The following ANKRD30B variants were observed in gnomAD, a reference collection of about 807,000 sequenced individuals.
ANKRD30B encodes the protein ankyrin repeat domain 30B, also known as ankyrin repeat domain-containing protein 30B.
In ANKRD30B, 144 loss-of-function variants were observed where a neutral mutation model predicts 202.2. The observed-to-expected ratio is 0.71, with a 90% CI of 0.62 to 0.82. The LOEUF (loss-of-function observed/expected upper bound fraction) is 0.82. Among genes scored for constraint, ANKRD30B ranks in the 40% least tolerant of loss-of-function variants. ANKRD30B has a pLI of 0.00. For synonymous variants in ANKRD30B, 508 were observed against 561.3 expected (o/e 0.91, Z 1.34); for missense variants, 1,487 against 1,669.1 (o/e 0.89, Z 1.90).
intron 7 of ANKRD30B, among the ~76,000 whole-genome samples, chr18:14,767,777 A>G (rs1469563723): frequency 6.6e-6 from 1 of 152,178 alleles, no homozygotes; most frequent in African/African-American, 2.4e-5. Context: ...ATGTCTTTAT[A>G]TTTCATCATA....
At chr18:14,894,704 C>T in the ANKRD30B span, among the ~76,000 whole-genome samples, 1 of 151,224 alleles carries the variant, frequency 6.6e-6, no homozygotes, top group Non-Finnish European at 1.5e-5. Context: ...TTATGATTTT[C>T]TGTCAAGCCT....
the ANKRD30B span, among the ~76,000 whole-genome samples, chr18:14,891,085 A>T: frequency 6.6e-6 from 1 of 152,116 alleles, no homozygotes; most frequent in Admixed American, 6.5e-5. Flanking sequence ...CATTTTCTAC[A>T]TGAAGGTATA....
At chr18:14,874,712 C>G in the ANKRD30B span, among the ~76,000 whole-genome samples, 1 of 152,178 alleles carries the variant, frequency 6.6e-6, no homozygotes, top group African/African-American at 2.4e-5. Context: ...TCAGGCAGAG[C>G]CTGGGTGTAG....
intron 8 of ANKRD30B, among the ~76,000 whole-genome samples, chr18:14,771,750 T>C (rs1055643596): frequency 6.6e-6 from 1 of 152,176 alleles, no homozygotes; most frequent in African/African-American, 2.4e-5. Flanking sequence ...CTTTCTTCCT[T>C]ATTTTAGGTT....
At chr18:14,798,520 G>A (rs1969079657) in intron 20 of ANKRD30B, among the ~76,000 whole-genome samples, 1 of 152,144 alleles carries the variant, frequency 6.6e-6, no homozygotes, top group Admixed American at 6.5e-5. Flanking sequence ...AACAGGATGT[G>A]AAGCTACACA....
At position 14,749,670 on chromosome 18, in the gene ANKRD30B, C is replaced by CAA. The variant is rs55960708; in HGVS notation, c.221+1061_221+1062dup. Among the ~76,000 whole-genome samples the CAA allele has an allele frequency of 6.5e-3, 398 of 61,174 alleles. 27 individuals carry two copies. The highest frequency in any genetic ancestry group is 0.025 in the East Asian group (37 of 1,500). The allele number at this position is 61,174 out of a possible 152,430, so 40.1% of individuals were successfully genotyped here. A position where few individuals can be genotyped will look rare whatever the true frequency, so the allele number is the denominator to read the frequency against. ...TAGGTGACAGAGTGAGACTCTGTCT[C>CAA]AAAAAAAAAAAAAAAAAAAAAAAAA... On this transcript the variant is annotated intron_variant, in intron 1 of 43. Transcript: ENST00000690538.
At chr18:14,855,967 ATG>A (rs1972096417), downstream of ANKRD30B, among the ~76,000 whole-genome samples, 1 of 91,436 alleles carries the variant, frequency 1.1e-5, no homozygotes, top group Non-Finnish European at 2.3e-5. Flanking sequence ...CTCCCAGATG[ATG>A]GGCAGCTGGG....
chr18:14,825,816 A>G (rs1021555251), intron 32 of ANKRD30B, among the ~76,000 whole-genome samples: 3 of 152,230 alleles, frequency 2.0e-5, no homozygotes, highest in Admixed American at 6.5e-5. Context: ...GGAAAGATAA[A>G]GCAAATGCAG....
At chr18:14,934,299 C>T in the ANKRD30B span, among the ~76,000 whole-genome samples, 18 of 152,354 alleles carry the variant, frequency 1.2e-4, no homozygotes, top group African/African-American at 4.3e-4. Context: ...CAGGTGCTGG[C>T]CAGCGAGAGG....
the ANKRD30B span, among the ~76,000 whole-genome samples, chr18:14,872,311 G>A: frequency 6.6e-6 from 1 of 152,180 alleles, no homozygotes; most frequent in Non-Finnish European, 1.5e-5. Flanking sequence ...TCTAAGAGAT[G>A]GAAACTTTTC....
rs1312074003 is a variant in ANKRD30B at position 14,791,567 on chromosome 18, T to C, written c.1825+76T>C. The C allele has an allele frequency of 1.7e-5, 20 of 1,184,344 alleles. No individual in the cohort carries two copies. The East Asian group carries it at 2.7e-4, about 16-fold the overall frequency. The allele number at this position is 1,184,344 out of a possible 1,614,324, so 73.4% of individuals were successfully genotyped here. A position where few individuals can be genotyped will look rare whatever the true frequency, so the allele number is the denominator to read the frequency against. ...ACTGATGAGGAAGGATATCCTCTAA[T>C]AGATGAAGAAAATTACCTCCTTAAT... is the stretch of plus-strand genomic sequence containing the variant. On this transcript the variant is annotated intron_variant, in intron 16 of 43. Coordinates refer to ENST00000690538, the MANE Select transcript of ANKRD30B (RefSeq NM_001367607.2).
the ANKRD30B span, among the ~76,000 whole-genome samples, chr18:14,860,940 A>T: frequency 1.3e-5 from 2 of 151,688 alleles, no homozygotes; most frequent in Admixed American, 6.6e-5. Context: ...ACCTCAGGTG[A>T]TCTGCCTGCC....
intron 20 of ANKRD30B, among the ~76,000 whole-genome samples, chr18:14,798,726 T>C (rs549529983): frequency 6.6e-6 from 1 of 152,104 alleles, no homozygotes; most frequent in Admixed American, 6.5e-5. Flanking sequence ...CTTTCTGGGA[T>C]AGGAACCTTG....
At chr18:14,840,323 A>AAGTC (rs1971362795) in intron 36 of ANKRD30B, among the ~76,000 whole-genome samples, 1 of 152,152 alleles carries the variant, frequency 6.6e-6, no homozygotes, top group Admixed American at 6.6e-5. Context: ...AGATCACTTG[A>AAGTC]AGTCAGGAGT....
the ANKRD30B span, chr18:14,890,227 A>G: frequency 1.9e-6 from 1 of 519,000 alleles, no homozygotes; most frequent in Non-Finnish European, 3.4e-6. Context: ...ACAGCCCAAG[A>G]CTCCGACCCA....
intron 26 of ANKRD30B, 97 bp downstream of exon 26, chr18:14,808,841 A>C: frequency 1.6e-6 from 2 of 1,220,730 alleles, no homozygotes. Flanking sequence ...TTCTTTAGAA[A>C]ATTTGGTGGG....
chr18:14,850,015 T>C (rs1971816085), intron 40 of ANKRD30B, among the ~76,000 whole-genome samples, 199 bp from the exon 41 acceptor site: 1 of 151,606 alleles, frequency 6.6e-6, no homozygotes, highest in Non-Finnish European at 1.5e-5. Context: ...GAAGAAGTTT[T>C]TTCTCACTAT....
Position 14,851,602 on chromosome 18 carries a change from C to T in ANKRD30B, c.3658C>T (p.Leu1220=). 6.2e-7 allele frequency: 1 copy of T among 1,610,968 alleles called. No homozygotes were observed. Among genetic ancestry groups the T allele is most frequent in the Non-Finnish European group, 8.5e-7 (1 of 1,178,724 alleles). The stretch of plus-strand genomic sequence containing the variant: ...CATGCTAAAACTGGAAGTAGCCACA[C>T]TGAAACATCAACACCAGGTGAAGGA... ...IAMLKLEVAT[L]KHQHQVKENK... Residue 1220 remains leucine (L), a synonymous_variant, in exon 42 of 44, where the codon CTG becomes TTG. Transcript: ENST00000690538.
chr18:14,791,778 G>C (rs1177886863), intron 16 of ANKRD30B, among the ~76,000 whole-genome samples: 2 of 152,070 alleles, frequency 1.3e-5, no homozygotes, highest in Admixed American at 6.5e-5. Flanking sequence ...AATGAAGATC[G>C]AGAAAGACAG....
Sources: gnomAD v4.1 joint callset for allele counts (sites outside exome capture counted in the v4.1 genomes callset) on GRCh38, gnomAD v4.1.1 for gene constraint, MANE v1.5 for transcripts, NCBI Gene and HGNC (gene_info 2026-07-23, HGNC 2026-07-21) for gene names.